Variants in TRIO observed in about 807,000 individuals in gnomAD.
TRIO encodes trio Rho guanine nucleotide exchange factor.
In TRIO, 58 loss-of-function variants were observed where a neutral mutation model predicts 351.9. The observed-to-expected ratio is 0.16, with a 90% CI of 0.13 to 0.21. TRIO has a LOEUF of 0.21. Among genes scored for constraint, TRIO ranks in the 10% least tolerant of loss-of-function variants. The pLI is 1.00. For missense variants in TRIO, 3,201 were observed against 4,027.8 expected, an observed-to-expected ratio of 0.79 and a Z score of 5.56; for synonymous variants, 1,758 against 1,595.7, an observed-to-expected ratio of 1.10 and a Z score of -2.42.
At chr5:14,181,867 C>T (rs1420560470) in intron 1 of TRIO, among the ~76,000 whole-genome samples, 1 of 152,168 alleles carries the variant, frequency 6.6e-6, no homozygotes, top group Non-Finnish European at 1.5e-5. Context: ...CTCACTATTC[C>T]TTTTCTGGTA....
chr5:14,281,422 GAAC>G (rs1735983714), intron 3 of TRIO, among the ~76,000 whole-genome samples: 1 of 85,518 alleles, frequency 1.2e-5, no homozygotes, highest in African/African-American at 4.5e-5. Context: ...TAAGCCGTTA[GAAC>G]CCCCCCCCCC....
rs773246976 is a variant in TRIO, at chr5:14,369,540, G to A, written c.3216+17G>A. On this transcript the variant is annotated intron_variant, in intron 18 of 56. Transcript: ENST00000344204. The stretch of plus-strand genomic sequence containing the variant: ...TTCCTGAAGGTAGGGGCAGCGCTGC[G>A]GGACAGTGCACCCATCAGAGGCTTC... The A allele has an allele frequency of 4.1e-5, 66 of 1,609,766 alleles. No homozygotes were observed. Among genetic ancestry groups the A allele is most frequent in the East Asian group, 1.3e-4 (6 of 44,866 alleles).
At chr5:14,211,963 C>CA (rs1791932447) in intron 1 of TRIO, among the ~76,000 whole-genome samples, 2 of 47,356 alleles carry the variant, frequency 4.2e-5, no homozygotes, top group Non-Finnish European at 5.8e-5. Context: ...AAAAAAAAAA[C>CA]CAAAAAAACA....
At chr5:14,168,259 A>G (rs914399965) in intron 1 of TRIO, among the ~76,000 whole-genome samples, 2 of 152,256 alleles carry the variant, frequency 1.3e-5, no homozygotes, top group Non-Finnish European at 2.9e-5. Context: ...AGAACTGGAT[A>G]TGCCACGTGT....
At chr5:14,235,248 A>AAGT (rs1793693086) in intron 1 of TRIO, among the ~76,000 whole-genome samples, 1 of 152,244 alleles carries the variant, frequency 6.6e-6, no homozygotes, top group Non-Finnish European at 1.5e-5. Flanking sequence ...AATACTTCAG[A>AAGT]AGTATATTCT....
intron 1 of TRIO, among the ~76,000 whole-genome samples, chr5:14,229,243 C>G (rs1457818567): frequency 6.6e-6 from 1 of 152,060 alleles, no homozygotes; most frequent in South Asian, 2.1e-4. Flanking sequence ...TGTAAATAGC[C>G]GGATAAATAC....
intron 8 of TRIO, among the ~76,000 whole-genome samples, chr5:14,312,204 G>A (rs1738991858): frequency 6.6e-6 from 1 of 152,130 alleles, no homozygotes; most frequent in Non-Finnish European, 1.5e-5. Context: ...TCTTTTTAAG[G>A]GTGACATGCA....
intron 54 of TRIO, among the ~76,000 whole-genome samples, chr5:14,503,420 G>T (rs993164450): frequency 6.6e-6 from 1 of 152,266 alleles, no homozygotes; most frequent in African/African-American, 2.4e-5. Context: ...GGACAGTGGT[G>T]ACATGTGCCT....
At chr5:14,434,531 C>T (rs1465707329) in intron 34 of TRIO, among the ~76,000 whole-genome samples, 1 of 152,036 alleles carries the variant, frequency 6.6e-6, no homozygotes. Flanking sequence ...TTTGGACCTA[C>T]AGAAAAGTGA....
intron 15 of TRIO, 39 bp from the exon 16 acceptor site, chr5:14,366,821 G>T (rs16903420): frequency 3.1e-6 from 5 of 1,612,690 alleles, no homozygotes; most frequent in Admixed American, 3.3e-5. Context: ...GATTCTCTGG[G>T]AAGTCCACTG....
chr5:14,399,121 CT>C (rs767213213), intron 30 of TRIO, 51 bp downstream of exon 30: 65 of 1,518,408 alleles, frequency 4.3e-5, no homozygotes, highest in Non-Finnish European at 1.0e-5. Context: ...CAATTGCAGT[CT>C]TTTTGTAGGT....
intron 1 of TRIO, among the ~76,000 whole-genome samples, chr5:14,192,827 T>A (rs1790537584): frequency 6.6e-6 from 1 of 152,196 alleles, no homozygotes; most frequent in Non-Finnish European, 1.5e-5. Context: ...TTCTTAAATC[T>A]TTAGTGTGGT....
chr5:14,461,275 C>T lies in TRIO; in HGVS notation c.5460C>T (p.Asp1820=). 6.3e-7 allele frequency: 1 copy of T among 1,596,172 alleles called. No individual in the cohort carries two copies. Among genetic ancestry groups the T allele is most frequent in the African/African-American group, 1.3e-5 (1 of 74,790 alleles). The change falls in exon 35 of 57, where the codon GAC becomes GAT. Residue 1820 remains aspartate (D), a synonymous_variant. Coordinates refer to ENST00000344204, the MANE Select transcript of TRIO (RefSeq NM_007118.4). ...CCGGCTCGCAGAAGGACTCCGACGA[C>T]AGTGCGGCCACCCCGCAGGACGAGA... ...ADAGSQKDSD[D]SAATPQDETV... is the part of the protein sequence containing the mutation.
chr5:14,326,871 C>T (rs1487995383), intron 9 of TRIO, among the ~76,000 whole-genome samples: 1 of 152,204 alleles, frequency 6.6e-6, no homozygotes, highest in Non-Finnish European at 1.5e-5. Context: ...TTAGAATCAA[C>T]AGCCTCATGG....
intron 1 of TRIO, among the ~76,000 whole-genome samples, chr5:14,208,796 C>G (rs1420282403): frequency 6.6e-6 from 1 of 152,240 alleles, no homozygotes; most frequent in African/African-American, 2.4e-5. Context: ...TGAGCTGTTT[C>G]TGTACCTCAC....
chr5:14,336,061 G>T (rs1018289772), intron 10 of TRIO, among the ~76,000 whole-genome samples: 6 of 152,354 alleles, frequency 3.9e-5, no homozygotes, highest in African/African-American at 1.2e-4. Context: ...TGTGAAAAGG[G>T]ATAGCAACTT....
chr5:14,431,788 A>G (rs921825846), intron 34 of TRIO, among the ~76,000 whole-genome samples: 2 of 152,204 alleles, frequency 1.3e-5, no homozygotes, highest in Non-Finnish European at 2.9e-5. Flanking sequence ...AGCCAGAAGA[A>G]GTCTAGAAGG....
chr5:14,149,801 G>A (rs562485766), intron 1 of TRIO, among the ~76,000 whole-genome samples: 4 of 152,334 alleles, frequency 2.6e-5, no homozygotes, highest in South Asian at 2.1e-4. Context: ...TCATCAATGA[G>A]TGCATTTTAG....
intron 3 of TRIO, among the ~76,000 whole-genome samples, chr5:14,284,213 C>T (rs1736253832): frequency 6.6e-6 from 1 of 152,122 alleles, no homozygotes; most frequent in Non-Finnish European, 1.5e-5. Flanking sequence ...TTCTTTATCT[C>T]ACAGATAAAC....
Sources: allele counts gnomAD v4.1 joint callset (sites outside exome capture counted in the v4.1 genomes callset), GRCh38; gene constraint gnomAD v4.1.1; transcripts MANE v1.5; gene names NCBI Gene and HGNC (gene_info 2026-07-23, HGNC 2026-07-21).